Variants in ARSG observed in about 807,000 individuals in gnomAD.
The protein encoded by ARSG is ASG.
Under a neutral mutation model 50.5 loss-of-function variants are expected in ARSG, and 37 were observed. The ratio of observed to expected loss-of-function variants is 0.73; its 90% CI spans 0.56 to 0.96. The LOEUF (loss-of-function observed/expected upper bound fraction) is 0.96, where lower values mean the gene tolerates loss of function less well. Among genes scored for constraint, ARSG ranks in the 50% least tolerant of loss-of-function variants. The pLI is 0.00. For synonymous variants in ARSG, 225 were observed against 254.6 expected, an observed-to-expected ratio of 0.88 and a Z score of 1.11; for missense variants, 629 against 675.3, an observed-to-expected ratio of 0.93 and a Z score of 0.76.
intron 2 of ARSG, among the ~76,000 whole-genome samples, chr17:68,321,308 C>A (rs2077274001): frequency 2.0e-5 from 3 of 152,208 alleles, no homozygotes. Context: ...GCCTGCGTAT[C>A]CATGATCTCA....
chr17:68,365,972 C>T (rs1395240469), intron 6 of ARSG, among the ~76,000 whole-genome samples: 1 of 151,954 alleles, frequency 6.6e-6, no homozygotes, highest in East Asian at 1.9e-4. Context: ...GAGTCTCGCT[C>T]TGTCGCCCAG....
intron 1 of ARSG, among the ~76,000 whole-genome samples, chr17:68,304,632 G>C (rs1248816179): frequency 6.6e-6 from 1 of 152,142 alleles, no homozygotes; most frequent in Non-Finnish European, 1.5e-5. Flanking sequence ...TTACACAGTG[G>C]TTCTCCTTTA....
At position 68,381,812 on chromosome 17, in the gene ARSG, A is replaced by G. The variant is rs2080445953; in HGVS notation, c.983-3252A>G. Among the ~76,000 whole-genome samples, 2 of 152,168 alleles carry G rather than the reference A, an allele frequency of 1.3e-5. No individual in the cohort carries two copies. Among genetic ancestry groups the G allele is most frequent in the African/African-American group, 4.8e-5 (2 of 41,420 alleles). On this transcript the variant is annotated intron_variant, in intron 8 of 11. Coordinates refer to ENST00000621439, the MANE Select transcript of ARSG (RefSeq NM_001267727.2). The surrounding 1 kb of genome is among the most constrained non-coding windows in gnomAD (Gnocchi z 4.1). The stretch of plus-strand genomic sequence containing the variant: ...GATTAAATCACAGTCTCTGGGAAAG[A>G]GACTTTGGCATGCGTATTTTTTAAA...
intron 1 of ARSG, among the ~76,000 whole-genome samples, chr17:68,280,160 C>A (rs897611420): frequency 2.7e-4 from 29 of 105,924 alleles, no homozygotes; most frequent in Admixed American, 5.3e-4. Flanking sequence ...CCAGCCTGGG[C>A]AATAGAGCAA....
In ARSG at chr17:68,399,359, C is replaced by T. The variant is rs2081379465; in HGVS notation, c.1213-2001C>T. On this transcript the variant is annotated intron_variant, in intron 10 of 11. Transcript: ENST00000621439. The surrounding 1 kb of genome is among the most constrained non-coding windows in gnomAD (Gnocchi z 4.6). ...ACCTTCAGGGGATGCTATATCAGCA[C>T]CCTGTGGGACTTAAGGTAAAGGAAT... 6.6e-6 allele frequency among the ~76,000 whole-genome samples: 1 copy of T among 152,050 alleles called. No homozygotes were observed. Among genetic ancestry groups the T allele is most frequent in the African/African-American group, 2.4e-5 (1 of 41,406 alleles).
At chr17:68,307,815 A>G in intron 2 of ARSG, 104 bp downstream of exon 2, 1 of 654,830 alleles carries the variant, frequency 1.5e-6, no homozygotes, top group Non-Finnish European at 2.7e-6. Context: ...TGATGGACCC[A>G]TGCTGATTTA....
In ARSG at chr17:68,385,121, C is replaced by T; in HGVS notation, c.1040C>T (p.Ala347Val). Residue 347 changes from alanine (A) to valine (V), a missense_variant, in exon 9 of 12, where the codon GCT becomes GTT. Coordinates refer to ENST00000621439, the MANE Select transcript of ARSG (RefSeq NM_001267727.2). ...GGAGGGCACCGGGTCCCAGCACTGG[C>T]TTACTGGCCTGGCAGAGTTCCAGTT... Reference protein sequence around the residue: ...WEGGHRVPALAYWPGRVPVNV... With the variant: ...WEGGHRVPALVYWPGRVPVNV... 1.9e-6 allele frequency: 3 copies of T among 1,614,086 alleles called. No individual in the cohort carries two copies. The highest frequency in any genetic ancestry group is 2.5e-6 in the Non-Finnish European group (3 of 1,179,998).
intron 1 of ARSG, among the ~76,000 whole-genome samples, chr17:68,266,635 C>T (rs2075172633): frequency 2.6e-5 from 4 of 151,446 alleles, no homozygotes; most frequent in Admixed American, 2.6e-4. Context: ...CATGGTGAAA[C>T]CCAATCTCTA....
intron 2 of ARSG, among the ~76,000 whole-genome samples, chr17:68,341,289 C>G (rs1599789897): frequency 6.6e-6 from 1 of 152,206 alleles, no homozygotes; most frequent in African/African-American, 2.4e-5. Flanking sequence ...TGCTTGTTTT[C>G]CCCTTGTGGT....
At chr17:68,421,892 G>A (rs1191189405), downstream of ARSG, 29 of 1,596,164 alleles carry the variant, frequency 1.8e-5, no homozygotes, top group Non-Finnish European at 2.5e-5. Flanking sequence ...TTATCAACAG[G>A]TCTGTGCCCA....
chr17:68,354,560 C>T (rs774156271), intron 5 of ARSG, among the ~76,000 whole-genome samples: 15 of 151,910 alleles, frequency 9.9e-5, no homozygotes, highest in Non-Finnish European at 1.6e-4. Flanking sequence ...CATAAATATG[C>T]GATTAGTGTT....
rs533570860 is a variant in ARSG at position 68,342,337 on chromosome 17, T to C, written c.219-1267T>C. Reference sequence around the variant, plus strand: ...ACCTTATTTTATGTACATATATATATATACATATATATATGTATGTGTTTT... The same window carrying C: ...ACCTTATTTTATGTACATATATATACATACATATATATATGTATGTGTTTT... On this transcript the variant is annotated intron_variant, in intron 2 of 11. Coordinates refer to ENST00000621439, the MANE Select transcript of ARSG (RefSeq NM_001267727.2). Among the ~76,000 whole-genome samples, 13 of 150,772 alleles carry C rather than the reference T, an allele frequency of 8.6e-5. No individual in the cohort carries two copies. The South Asian group carries it at 2.7e-3, about 31-fold the overall frequency.
chr17:68,442,464 C>CA, the ARSG span, among the ~76,000 whole-genome samples: 2,889 of 62,416 alleles, frequency 0.046, 45 homozygotes, highest in Admixed American at 0.1. Flanking sequence ...GACTGTGTCT[C>CA]AAAAAAAAAA....
At chr17:68,413,802 G>C in intron 11 of ARSG, 1 of 156,992 alleles carries the variant, frequency 6.4e-6, no homozygotes, top group South Asian at 2.0e-4. Flanking sequence ...CCAGGTAAGG[G>C]ATGTAATCTC....
At chr17:68,322,201 T>C (rs1250047299) in intron 2 of ARSG, among the ~76,000 whole-genome samples, 2 of 152,230 alleles carry the variant, frequency 1.3e-5, no homozygotes, top group African/African-American at 2.4e-5. Flanking sequence ...AAGTTTTGTT[T>C]GTTCACCAGA....
chr17:68,423,465 C>T (rs1186641561), downstream of ARSG, among the ~76,000 whole-genome samples: 4 of 152,298 alleles, frequency 2.6e-5, no homozygotes, highest in East Asian at 1.9e-4. The surrounding 1 kb of genome is among the most constrained non-coding windows in gnomAD (Gnocchi z 4.4). Flanking sequence ...GTGGCTGCCA[C>T]GACACAGCCC....
the ARSG span, among the ~76,000 whole-genome samples, chr17:68,447,394 T>C: frequency 6.6e-6 from 1 of 152,178 alleles, no homozygotes; most frequent in African/African-American, 2.4e-5. Context: ...ATTTTTATTT[T>C]TTATAGAGAC....
intron 1 of ARSG, among the ~76,000 whole-genome samples, chr17:68,269,974 G>A (rs148565592): frequency 3.6e-4 from 54 of 152,072 alleles, no homozygotes; most frequent in Admixed American, 7.2e-4. Flanking sequence ...CGCCCGGCCC[G>A]TTTTAGGTAT....
chr17:68,321,531 A>G (rs1394043612), intron 2 of ARSG, among the ~76,000 whole-genome samples: 1 of 152,258 alleles, frequency 6.6e-6, no homozygotes, highest in East Asian at 1.9e-4. Context: ...TATGAATGGA[A>G]CAAGGACAGT....
Sources: allele counts gnomAD v4.1 joint callset (sites outside exome capture counted in the v4.1 genomes callset), GRCh38; gene constraint gnomAD v4.1.1; non-coding constraint Gnocchi (gnomAD v3.1); transcripts MANE v1.5; gene names NCBI Gene and HGNC (gene_info 2026-07-23, HGNC 2026-07-21).